The following RRP15 variants were observed in gnomAD, a reference collection of about 807,000 sequenced individuals.
RRP15 encodes ribosomal RNA processing 15 homolog, also known as RRP15-like protein.
RRP15 carries 18 observed loss-of-function variants against 27.1 expected under a neutral mutation model. The observed-to-expected ratio is 0.66, with a 90% confidence interval of 0.46 to 0.98. RRP15 has a LOEUF of 0.98. Ranked by LOEUF, RRP15 falls within the 50% of genes least tolerant of loss-of-function variation. The pLI is 0.00. For synonymous variants in RRP15, 107 were observed against 109.4 expected (o/e 0.98, Z 0.14); for missense variants, 359 against 337.8 (o/e 1.06, Z -0.49).
Position 218,331,700 on chromosome 1 carries a change from T to G in RRP15, c.*609T>G, listed in dbSNP as rs1161491206. 8.1e-6 allele frequency: 1 copy of G among 123,448 alleles called. No homozygotes were observed. Among genetic ancestry groups the G allele is most frequent in the African/African-American group, 3.0e-5 (1 of 33,166 alleles). 7.6% of individuals were successfully genotyped at this position (123,448 alleles called of 1,614,324 possible). ...TTTTTTTTTTTTTTTTGAGACGGAG[T>G]CTTGCTCTGTGGCCCCGGATGGAAT... On this transcript the variant is annotated 3_prime_UTR_variant, in exon 5 of 5. Coordinates refer to ENST00000366932, the MANE Select transcript of RRP15 (RefSeq NM_016052.4).
intron 4 of RRP15, among the ~76,000 whole-genome samples, chr1:218,325,890 A>G (rs28450863): frequency 0.043 from 6,482 of 151,550 alleles, 470 homozygotes; most frequent in African/African-American, 0.15. Flanking sequence ...CTTTTAGTCT[A>G]TTTTCTGGGC....
chr1:218,285,588 T>C, intron 1 of RRP15, 133 bp downstream of exon 1: 1 of 1,148,786 alleles, frequency 8.7e-7, no homozygotes, highest in East Asian at 2.4e-5. Context: ...GGGGCGACTT[T>C]GGCTTAGTGA....
chr1:218,296,253 TGAC>T lies in RRP15; in HGVS notation c.140-6040_140-6038del, dbSNP rs1431797317. ...CAAAACTTTGTAGTGTCTCACAAGT[TGAC>T]AGCCCCGTTAGCTTTGCCTTTTTGA... On this transcript the variant is annotated intron_variant, in intron 1 of 4. Transcript: ENST00000366932. 2.6e-5 allele frequency among the ~76,000 whole-genome samples: 4 copies of T among 152,374 alleles called. No homozygotes were observed. The East Asian group carries it at 7.7e-4, about 29-fold the overall frequency.
At position 218,331,485 on chromosome 1, in the gene RRP15, ATGTATC is replaced by A. The variant is rs1324899675; in HGVS notation, c.*399_*404del. ...TGCCTTCTAACTTATAGACTCAACTATGTATCTGTAGTTTTTGGGAATGGTTGGTGT... is the reference window on the plus strand; with the variant it reads ...TGCCTTCTAACTTATAGACTCAACTATGTAGTTTTTGGGAATGGTTGGTGT... On this transcript the variant is annotated 3_prime_UTR_variant, in exon 5 of 5. Coordinates refer to ENST00000366932, the MANE Select transcript of RRP15 (RefSeq NM_016052.4). 1.3e-5 allele frequency: 2 copies of A among 152,668 alleles called. No individual in the cohort carries two copies. Among genetic ancestry groups the A allele is most frequent in the Non-Finnish European group, 2.9e-5 (2 of 68,550 alleles). 9.5% of individuals were successfully genotyped at this position (152,668 alleles called of 1,614,324 possible). A position where few individuals can be genotyped will look rare whatever the true frequency, so the allele number is the denominator to read the frequency against.
In RRP15 at chr1:218,305,044, A is replaced by C. The variant is rs752276296; in HGVS notation, c.422A>C (p.Glu141Ala). The C allele has an allele frequency of 6.2e-7, 1 of 1,613,732 alleles. No individual in the cohort carries two copies. The highest frequency in any genetic ancestry group is 1.3e-5 in the African/African-American group (1 of 75,028). Residue 141 changes from glutamate (E) to alanine (A), a missense_variant, in exon 3 of 5, where the codon GAG becomes GCG. Transcript: ENST00000366932. ...ATAACGCAGCGTGATAAGAGGCTGG[A>C]GTGGGAAATGATGTGCAGAGTAAAG... ...EKIKQRDKRL[E>A]WEMMCRVKPD... is the part of the protein sequence containing the mutation.
chr1:218,313,129 T>C (rs1399926585), intron 4 of RRP15, among the ~76,000 whole-genome samples: 3 of 152,182 alleles, frequency 2.0e-5, no homozygotes, highest in African/African-American at 7.2e-5. Context: ...ACAAGAGTAA[T>C]ATTGTGCAGT....
At position 218,331,317 on chromosome 1, in the gene RRP15, A is replaced by T. The variant is rs113308390; in HGVS notation, c.*226A>T. The T allele has an allele frequency of 7.8e-4, 273 of 351,892 alleles. No individual in the cohort carries two copies. Among genetic ancestry groups the T allele is most frequent in the Middle Eastern group, 5.0e-3 (6 of 1,192 alleles). The allele number at this position is 351,892 out of a possible 1,614,324, so 21.8% of individuals were successfully genotyped here. A position where few individuals can be genotyped will look rare whatever the true frequency, so the allele number is the denominator to read the frequency against. The stretch of plus-strand genomic sequence containing the variant: ...TGTTCCTCAGAACATTTGTAAAAGG[A>T]TATATTTCTGCTTGACCAGCGAGAT... On this transcript the variant is annotated 3_prime_UTR_variant, in exon 5 of 5. Coordinates refer to ENST00000366932, the MANE Select transcript of RRP15 (RefSeq NM_016052.4).
intron 4 of RRP15, among the ~76,000 whole-genome samples, chr1:218,308,668 A>C (rs906316580): frequency 8.5e-5 from 13 of 152,334 alleles, no homozygotes; most frequent in South Asian, 2.1e-4. Context: ...TATTTTACCT[A>C]AGTGACAAAA....
At chr1:218,321,652 C>T (rs1432297267) in intron 4 of RRP15, among the ~76,000 whole-genome samples, 1 of 152,018 alleles carries the variant, frequency 6.6e-6, no homozygotes, top group African/African-American at 2.4e-5. Context: ...GATTCAAATC[C>T]AGAACTCTCT....
chr1:218,323,074 T>TG (rs1410325880), intron 4 of RRP15, among the ~76,000 whole-genome samples: 1 of 152,138 alleles, frequency 6.6e-6, no homozygotes, highest in Non-Finnish European at 1.5e-5. Flanking sequence ...TCTGGAAGCT[T>TG]GGAGATGCCA....
chr1:218,331,317 A>G lies in RRP15; in HGVS notation c.*226A>G, dbSNP rs113308390. The G allele has an allele frequency of 2.8e-6, 1 of 351,776 alleles. No homozygotes were observed. The highest frequency in any genetic ancestry group is 2.1e-5 in the African/African-American group (1 of 47,604). 21.8% of individuals were successfully genotyped at this position (351,776 alleles called of 1,614,324 possible). A position where few individuals can be genotyped will look rare whatever the true frequency, so the allele number is the denominator to read the frequency against. On this transcript the variant is annotated 3_prime_UTR_variant, in exon 5 of 5. Transcript: ENST00000366932. ...TGTTCCTCAGAACATTTGTAAAAGG[A>G]TATATTTCTGCTTGACCAGCGAGAT...
At chr1:218,324,834 T>C (rs1481127385) in intron 4 of RRP15, among the ~76,000 whole-genome samples, 12 of 152,230 alleles carry the variant, frequency 7.9e-5, no homozygotes, top group Admixed American at 6.5e-4. Flanking sequence ...TTCCTGAAGT[T>C]AATCATTGTC....
chr1:218,307,442 A>G lies in RRP15; in HGVS notation c.515A>G (p.Gln172Arg). The G allele has an allele frequency of 1.9e-6, 3 of 1,613,468 alleles. No individual in the cohort carries two copies. The highest frequency in any genetic ancestry group is 2.5e-6 in the Non-Finnish European group (3 of 1,179,552). The change falls in exon 4 of 5, where the codon CAA (glutamine) becomes CGA (arginine). Residue 172 changes from glutamine to arginine, a missense_variant. Physicochemically the swap from Gln to Arg is conservative, Grantham distance 43 (BLOSUM62 1). Transcript: ENST00000366932. ...LQRIATRGVVQLFNAVQKHQK... is the reference protein window; with the variant it reads ...LQRIATRGVVRLFNAVQKHQK... Reference sequence around the variant, plus strand: ...TTTATATTCTACAGGGGTGTGGTGCAATTATTTAATGCTGTTCAGAAACAT... The same window carrying G: ...TTTATATTCTACAGGGGTGTGGTGCGATTATTTAATGCTGTTCAGAAACAT...
intron 4 of RRP15, among the ~76,000 whole-genome samples, chr1:218,319,852 G>A (rs1207604647): frequency 2.6e-5 from 4 of 151,950 alleles, no homozygotes; most frequent in African/African-American, 9.7e-5. Flanking sequence ...TATAAATCTG[G>A]ATTTTCATTT....
At chr1:218,299,242 A>G (rs1215101520) in intron 1 of RRP15, among the ~76,000 whole-genome samples, 1 of 152,178 alleles carries the variant, frequency 6.6e-6, no homozygotes, top group Non-Finnish European at 1.5e-5. Context: ...ATGCCTGATT[A>G]AAAACTTCTG....
At chr1:218,330,822 A>C in intron 4 of RRP15, 126 bp from the exon 5 acceptor site, 1 of 668,434 alleles carries the variant, frequency 1.5e-6, no homozygotes. Flanking sequence ...TCGATTTATA[A>C]TTTCTCTTGG....
chr1:218,296,643 C>CAAA (rs200927255), intron 1 of RRP15, among the ~76,000 whole-genome samples: 2 of 102,234 alleles, frequency 2.0e-5, no homozygotes, highest in African/African-American at 7.0e-5. Flanking sequence ...GACCTTGTCT[C>CAAA]AAAAAAAAAA....
intron 1 of RRP15, 54 bp downstream of exon 1, chr1:218,285,509 C>T: frequency 6.2e-7 from 1 of 1,607,408 alleles, no homozygotes; most frequent in South Asian, 1.1e-5. Context: ...GGGCTGAGTT[C>T]GTGTCAAGCA....
chr1:218,288,035 G>A (rs1655577257), intron 1 of RRP15, among the ~76,000 whole-genome samples: 1 of 152,194 alleles, frequency 6.6e-6, no homozygotes, highest in Non-Finnish European at 1.5e-5. Context: ...CAGCTGTTCA[G>A]AGAAGTGACT....
Sources: gnomAD v4.1 joint callset for allele counts (sites outside exome capture counted in the v4.1 genomes callset) on GRCh38, gnomAD v4.1.1 for gene constraint, MANE v1.5 for transcripts, NCBI Gene and HGNC (gene_info 2026-07-23, HGNC 2026-07-21) for gene names.